MFSD6: variants seen among roughly 807,000 people sequenced by gnomAD.
The protein encoded by MFSD6 is major facilitator superfamily domain-containing protein 6.
In MFSD6, 26 loss-of-function variants were observed where a neutral mutation model predicts 56.3. That is an observed-to-expected ratio of 0.46 (90% CI 0.34 to 0.64). MFSD6 has a LOEUF of 0.64. Among genes scored for constraint, MFSD6 ranks in the 30% least tolerant of loss-of-function variants. The pLI, the probability that MFSD6 is intolerant of heterozygous loss-of-function variation, is 0.01. For synonymous variants in MFSD6, 331 were observed against 366.9 expected (o/e 0.90, Z 1.12); for missense variants, 750 against 986.2 (o/e 0.76, Z 3.21).
rs1446872175 is a variant in MFSD6 at position 190,469,895 on chromosome 2, C to T, written c.1630+40C>T. 1 of 1,458,844 alleles carries T rather than the reference C, an allele frequency of 6.9e-7. No individual in the cohort carries two copies. Among genetic ancestry groups the T allele is most frequent in the Non-Finnish European group, 9.6e-7 (1 of 1,044,986 alleles). The allele number at this position is 1,458,844 out of a possible 1,614,324, so 90.4% of individuals were successfully genotyped here. A position where few individuals can be genotyped will look rare whatever the true frequency, so the allele number is the denominator to read the frequency against. ...GGGATTGAAATTATTTCTCTGCCTT[C>T]CCTGAGCTGTGGCTAAAAGCCCAGT... On this transcript the variant is annotated intron_variant, in intron 4 of 7. Transcript: ENST00000392328. The surrounding 1 kb of genome is among the most constrained non-coding windows in gnomAD (Gnocchi z 5.3).
chr2:190,454,922 C>A lies in MFSD6; in HGVS notation c.1533-14836C>A, dbSNP rs1202461648. Among the ~76,000 whole-genome samples, 1 of 132,788 alleles carries A rather than the reference C, an allele frequency of 7.5e-6. No homozygotes were observed. Among genetic ancestry groups the A allele is most frequent in the South Asian group, 2.4e-4 (1 of 4,082 alleles). The allele number at this position is 132,788 out of a possible 152,430, so 87.1% of individuals were successfully genotyped here. A position where few individuals can be genotyped will look rare whatever the true frequency, so the allele number is the denominator to read the frequency against. ...GTATTTTTCTGTATGTATATGTGTT[C>A]CTGGTTTCTGTATGTATATGTATAT... On this transcript the variant is annotated intron_variant, in intron 3 of 7. Transcript: ENST00000392328. The surrounding 1 kb of genome is among the most constrained non-coding windows in gnomAD (Gnocchi z 4.6).
Position 190,436,433 on chromosome 2 carries a change from TC to T in MFSD6, c.406del (p.Leu136SerfsTer22), listed in dbSNP as rs1190777251. 1.2e-6 allele frequency: 2 copies of T among 1,614,096 alleles called. No individual in the cohort carries two copies. The highest frequency in any genetic ancestry group is 2.7e-5 in the African/African-American group (2 of 74,938). The part of the protein sequence containing the change: ...ADRFKKGKIV[L>X]LFSLLCWVLF... ...CGCTTTAAAAAAGGCAAAATTGTCC[TC>T]CTCTTTTCTCTTTTGTGTTGGGTTT... On this transcript the variant is annotated frameshift_variant, in exon 3 of 8. Transcript: ENST00000392328. LOFTEE classifies it high-confidence loss of function. This position sits in a 1 kb window ranked among gnomAD's most constrained non-coding sequence, Gnocchi z 5.3.
rs1391905231 is a variant in MFSD6, at chr2:190,456,999, C to G, written c.1533-12759C>G. 6.6e-6 allele frequency among the ~76,000 whole-genome samples: 1 copy of G among 152,156 alleles called. No homozygotes were observed. The highest frequency in any genetic ancestry group is 6.5e-5 in the Admixed American group (1 of 15,268). On this transcript the variant is annotated intron_variant, in intron 3 of 7. Transcript: ENST00000392328. This position sits in a 1 kb window ranked among gnomAD's most constrained non-coding sequence, Gnocchi z 5.4. Reference sequence around the variant, plus strand: ...AACCGTCTTCTGATGCCAACATAAACGTTCATCCAGCTTCCTTAATCCGCG... The same window carrying G: ...AACCGTCTTCTGATGCCAACATAAAGGTTCATCCAGCTTCCTTAATCCGCG...
chr2:190,488,877 C>T lies in MFSD6; in HGVS notation c.1792+59C>T. 12 of 1,413,448 alleles carry T rather than the reference C, an allele frequency of 8.5e-6. No individual in the cohort carries two copies. The highest frequency in any genetic ancestry group is 1.0e-5 in the Non-Finnish European group (11 of 1,054,610). The allele number at this position is 1,413,448 out of a possible 1,614,324, so 87.6% of individuals were successfully genotyped here. A position where few individuals can be genotyped will look rare whatever the true frequency, so the allele number is the denominator to read the frequency against. ...ATTATTAAAACATGATTTTTTCCAG[C>T]AATACCTCAATAAACAATCCAATTA... On this transcript the variant is annotated intron_variant, in intron 5 of 7. Coordinates refer to ENST00000392328, the MANE Select transcript of MFSD6 (RefSeq NM_017694.4). This position sits in a 1 kb window ranked among gnomAD's most constrained non-coding sequence, Gnocchi z 6.4.
Position 190,488,685 on chromosome 2 carries a change from A to G in MFSD6, c.1659A>G (p.Ala553=). The G allele has an allele frequency of 6.3e-7, 1 of 1,592,130 alleles. No individual in the cohort carries two copies. Among genetic ancestry groups the G allele is most frequent in the Non-Finnish European group, 8.5e-7 (1 of 1,170,164 alleles). The change falls in exon 5 of 8, where the codon GCA becomes GCG. Residue 553 remains alanine (A), a synonymous_variant. Coordinates refer to ENST00000392328, the MANE Select transcript of MFSD6 (RefSeq NM_017694.4). The surrounding 1 kb of genome is among the most constrained non-coding windows in gnomAD (Gnocchi z 6.4). ...QGVTHAAIWA[A]CISYLSAAVP... ...TGACACACGCGGCCATCTGGGCAGC[A>G]TGCATTTCTTACCTCAGTGCAGCCG...
Position 190,469,756 on chromosome 2 carries a change from A to G in MFSD6, c.1533-2A>G, listed in dbSNP as rs759707159. The G allele has an allele frequency of 2.5e-6, 2 of 798,208 alleles. No homozygotes were observed. The highest frequency in any genetic ancestry group is 2.8e-5 in the South Asian group (1 of 35,738). The allele number at this position is 798,208 out of a possible 1,614,324, so 49.4% of individuals were successfully genotyped here. A position where few individuals can be genotyped will look rare whatever the true frequency, so the allele number is the denominator to read the frequency against. On this transcript the variant is annotated splice_acceptor_variant, in intron 3 of 7. Transcript: ENST00000392328. LOFTEE classifies it high-confidence loss of function. The surrounding 1 kb of genome is among the most constrained non-coding windows in gnomAD (Gnocchi z 5.3). Reference sequence around the variant, plus strand: ...TTATTTTTATTTTTTATTTTTTTTTAGGGTTCTGTACATTGGCCTGGCCTG... The same window carrying G: ...TTATTTTTATTTTTTATTTTTTTTTGGGGTTCTGTACATTGGCCTGGCCTG...
rs9646748 is a variant in MFSD6 at position 190,436,642 on chromosome 2, A to G, written c.613A>G (p.Arg205Gly). 0.45 allele frequency: 730,405 copies of G among 1,613,882 alleles called. 168,758 individuals carry two copies. Among genetic ancestry groups the G allele is most frequent in the Admixed American group, 0.68 (41,092 of 60,024 alleles). The change falls in exon 3 of 8, where the codon AGG becomes GGG. Residue 205 changes from arginine to glycine, a missense_variant. Physicochemically the swap from Arg to Gly is moderately radical, Grantham distance 125. Around this residue, in one of 5 missense-constraint regions of MFSD6, gnomAD observed 376 missense variants for 437.9 expected, o/e 0.86. Transcript: ENST00000392328. This position sits in a 1 kb window ranked among gnomAD's most constrained non-coding sequence, Gnocchi z 5.3. ...MREKRNLLET[R>G]LNVSDTVTLP... is the part of the protein sequence containing the mutation. Reference sequence around the variant, plus strand: ...TGAGAAAAGAAACCTTTTGGAAACAAGGCTCAATGTCTCAGACACCGTTAC... The same window carrying G: ...TGAGAAAAGAAACCTTTTGGAAACAGGGCTCAATGTCTCAGACACCGTTAC...
At chr2:190,429,999 T>A (rs4853703) in intron 2 of MFSD6, among the ~76,000 whole-genome samples, 87 of 141,468 alleles carry the variant, frequency 6.1e-4, no homozygotes, top group Admixed American at 8.8e-4. Context: ...CTCCCCCAGC[T>A]CCCCACCCCC....
intron 3 of MFSD6, among the ~76,000 whole-genome samples, chr2:190,466,580 T>C (rs553891749): frequency 6.6e-6 from 1 of 152,346 alleles, no homozygotes; most frequent in South Asian, 2.1e-4. Flanking sequence ...ATGATGATGA[T>C]GATGATGAAT....
chr2:190,455,728 G>A (rs927642560), intron 3 of MFSD6, among the ~76,000 whole-genome samples: 9 of 151,920 alleles, frequency 5.9e-5, no homozygotes, highest in Admixed American at 2.0e-4. Context: ...GGCATCGTGC[G>A]GAGGTCTCAG....
In MFSD6 at chr2:190,485,628, G is replaced by A. The variant is rs948313380; in HGVS notation, c.1631-3029G>A. Among the ~76,000 whole-genome samples, 1 of 151,856 alleles carries A rather than the reference G, an allele frequency of 6.6e-6. No individual in the cohort carries two copies. The highest frequency in any genetic ancestry group is 2.4e-5 in the African/African-American group (1 of 41,346). ...AAATACTTACAATTATTCCCATTAG[G>A]TACTATGGTGTCAACACTCATAATT... On this transcript the variant is annotated intron_variant, in intron 4 of 7. Transcript: ENST00000392328. The surrounding 1 kb of genome is among the most constrained non-coding windows in gnomAD (Gnocchi z 5.1).
intron 2 of MFSD6, among the ~76,000 whole-genome samples, chr2:190,428,969 A>G (rs12475579): frequency 0.99 from 151,405 of 152,246 alleles, 75,288 homozygotes; most frequent in Middle Eastern, 1. Flanking sequence ...CACCATGCCC[A>G]GCCTCAATCT....
At chr2:190,466,791 A>G (rs1219176851) in intron 3 of MFSD6, among the ~76,000 whole-genome samples, 3 of 152,164 alleles carry the variant, frequency 2.0e-5, no homozygotes, top group Non-Finnish European at 4.4e-5. Flanking sequence ...TCAATTGTGA[A>G]AGTAGAAATG....
At position 190,438,162 on chromosome 2, in the gene MFSD6, A is replaced by G. The variant is rs1686241112; in HGVS notation, c.1532+601A>G. Reference sequence around the variant, plus strand: ...TTTCTGTCCACCATGAAGACATAGGATATTTGAAAATCTTTCTTCCACCTA... The same window carrying G: ...TTTCTGTCCACCATGAAGACATAGGGTATTTGAAAATCTTTCTTCCACCTA... On this transcript the variant is annotated intron_variant, in intron 3 of 7. Coordinates refer to ENST00000392328, the MANE Select transcript of MFSD6 (RefSeq NM_017694.4). This position sits in a 1 kb window ranked among gnomAD's most constrained non-coding sequence, Gnocchi z 5.2. 6.6e-6 allele frequency among the ~76,000 whole-genome samples: 1 copy of G among 151,694 alleles called. No individual in the cohort carries two copies. Among genetic ancestry groups the G allele is most frequent in the South Asian group, 2.1e-4 (1 of 4,812 alleles).
intron 3 of MFSD6, among the ~76,000 whole-genome samples, chr2:190,450,931 A>C (rs1686756817): frequency 6.6e-6 from 1 of 152,144 alleles, no homozygotes; most frequent in South Asian, 2.1e-4. Flanking sequence ...GTGGTTGCTG[A>C]GTACAGTGAG....
Position 190,437,294 on chromosome 2 carries a change from A to G in MFSD6, c.1265A>G (p.Glu422Gly). 6.2e-7 allele frequency: 1 copy of G among 1,614,262 alleles called. No individual in the cohort carries two copies. Among genetic ancestry groups the G allele is most frequent in the Non-Finnish European group, 8.5e-7 (1 of 1,180,044 alleles). Residue 422 changes from glutamate (E) to glycine (G), a missense_variant, in exon 3 of 8, where the codon GAG becomes GGG. Glu to Gly is a moderately conservative substitution (Grantham distance 98). Coordinates refer to ENST00000392328, the MANE Select transcript of MFSD6 (RefSeq NM_017694.4). This position sits in a 1 kb window ranked among gnomAD's most constrained non-coding sequence, Gnocchi z 5.9. ...ERNNSTESSE[E>G]TPTTTSHSQA... ...AACAACTCTACAGAGTCCTCTGAGGAGACACCAACCACCACAAGCCACTCG... is the reference window on the plus strand; with the variant it reads ...AACAACTCTACAGAGTCCTCTGAGGGGACACCAACCACCACAAGCCACTCG...
Position 190,473,245 on chromosome 2 carries a change from T to A in MFSD6, c.1630+3390T>A, listed in dbSNP as rs527852421. On this transcript the variant is annotated intron_variant, in intron 4 of 7. Coordinates refer to ENST00000392328, the MANE Select transcript of MFSD6 (RefSeq NM_017694.4). Reference sequence around the variant, plus strand: ...AAATTCACACATAACAATATTAACCTTAAATATAAATGGGCTAAATGCTCC... The same window carrying A: ...AAATTCACACATAACAATATTAACCATAAATATAAATGGGCTAAATGCTCC... 3.3e-5 allele frequency among the ~76,000 whole-genome samples: 5 copies of A among 152,144 alleles called. No individual in the cohort carries two copies. The East Asian group carries it at 9.7e-4, about 29-fold the overall frequency.
At position 190,499,804 on chromosome 2, in the gene MFSD6, G is replaced by A; in HGVS notation, c.2173-211G>A. On this transcript the variant is annotated intron_variant, in intron 7 of 7. Coordinates refer to ENST00000392328, the MANE Select transcript of MFSD6 (RefSeq NM_017694.4). This position sits in a 1 kb window ranked among gnomAD's most constrained non-coding sequence, Gnocchi z 6.0. ...TCCACAAGACACGTCTGCTTATAGT[G>A]TTTGTGTTTTTCATGCGGCTCTGGC... is the stretch of plus-strand genomic sequence containing the variant. 1 of 1,525,054 alleles carries A rather than the reference G, an allele frequency of 6.6e-7. No individual in the cohort carries two copies. The highest frequency in any genetic ancestry group is 1.2e-5 in the South Asian group (1 of 82,932). 94.5% of individuals were successfully genotyped at this position (1,525,054 alleles called of 1,614,324 possible). A position where few individuals can be genotyped will look rare whatever the true frequency, so the allele number is the denominator to read the frequency against.
Position 190,471,854 on chromosome 2 carries a change from T to A in MFSD6, c.1630+1999T>A, listed in dbSNP as rs933860040. 2.0e-5 allele frequency among the ~76,000 whole-genome samples: 3 copies of A among 152,168 alleles called. No individual in the cohort carries two copies. Among genetic ancestry groups the A allele is most frequent in the Non-Finnish European group, 4.4e-5 (3 of 68,024 alleles). On this transcript the variant is annotated intron_variant, in intron 4 of 7. Coordinates refer to ENST00000392328, the MANE Select transcript of MFSD6 (RefSeq NM_017694.4). This position sits in a 1 kb window ranked among gnomAD's most constrained non-coding sequence, Gnocchi z 4.7. Reference sequence around the variant, plus strand: ...GAGGCACCCCCCAGTAGGGGCAGACTGATAACTCATACGGCCGGGTACCCC... The same window carrying A: ...GAGGCACCCCCCAGTAGGGGCAGACAGATAACTCATACGGCCGGGTACCCC...
Sources: gnomAD v4.1 joint callset for allele counts (sites outside exome capture counted in the v4.1 genomes callset) on GRCh38, gnomAD v4.1.1 for gene constraint, gnomAD v4.1.1 regional missense constraint, Gnocchi (gnomAD v3.1) non-coding constraint, MANE v1.5 for transcripts, NCBI Gene and HGNC (gene_info 2026-07-23, HGNC 2026-07-21) for gene names.